PDE4D: variants seen among roughly 807,000 people sequenced by gnomAD.
The protein encoded by PDE4D is phosphodiesterase 4D.
A neutral mutation model predicts 87.4 loss-of-function variants in PDE4D; 24 were observed. That is an observed-to-expected ratio of 0.27 (90% confidence interval 0.20 to 0.39). The LOEUF is 0.39. Ranked by LOEUF, PDE4D falls within the 10% of genes least tolerant of loss-of-function variation. The probability of loss-of-function intolerance (pLI) is 1.00; values close to 1 mark genes in which losing one functional copy is unlikely to be tolerated. For missense variants in PDE4D, 714 were observed against 1,041.0 expected (o/e 0.69, Z 4.32); for synonymous variants, 384 against 383.2 (o/e 1.00, Z -0.02).
At chr5:59,333,733 G>A (rs1484593898) in intron 1 of PDE4D, among the ~76,000 whole-genome samples, 1 of 152,092 alleles carries the variant, frequency 6.6e-6, no homozygotes, top group Non-Finnish European at 1.5e-5. Flanking sequence ...TCTAATTAAA[G>A]ACTCCTTGGG....
At chr5:59,100,338 T>C (rs1770527374) in intron 5 of PDE4D, among the ~76,000 whole-genome samples, 1 of 152,248 alleles carries the variant, frequency 6.6e-6, no homozygotes, top group Admixed American at 6.5e-5. Flanking sequence ...ATTCATCTTT[T>C]TCTACATGCC....
intron 5 of PDE4D, among the ~76,000 whole-genome samples, chr5:59,149,491 C>G (rs376283808): frequency 6.6e-6 from 1 of 152,166 alleles, no homozygotes; most frequent in South Asian, 2.1e-4. Context: ...CACAAGGGAA[C>G]CTTAGAGTGG....
chr5:60,131,066 T>C (rs1042060429), intron 2 of PDE4D, among the ~76,000 whole-genome samples: 1 of 152,202 alleles, frequency 6.6e-6, no homozygotes, highest in African/African-American at 2.4e-5. Context: ...CTAGCATCAA[T>C]TTACACCCTC....
chr5:59,662,490 C>T lies in PDE4D; in HGVS notation c.455+230678G>A, dbSNP rs144137436. ...ATCCTTTTAGTTTCAGTTTCCCACA[C>T]GTATAATCTTATTACTCATAAAGTT... On this transcript the variant is annotated intron_variant, in intron 1 of 14. Coordinates refer to ENST00000340635, the MANE Select transcript of PDE4D (RefSeq NM_001104631.2). Among the ~76,000 whole-genome samples the T allele has an allele frequency of 2.6e-3, 399 of 152,172 alleles. 1 individual carries two copies. Among genetic ancestry groups the T allele is most frequent in the African/African-American group, 8.8e-3 (366 of 41,520 alleles).
chr5:60,379,807 T>C (rs1330141595), intron 1 of PDE4D, among the ~76,000 whole-genome samples: 4 of 152,174 alleles, frequency 2.6e-5, no homozygotes, highest in Non-Finnish European at 4.4e-5. Context: ...TGGACTGGGT[T>C]TCAGCCTCCC....
In PDE4D at chr5:59,620,468, G is replaced by A. The variant is rs559865794; in HGVS notation, c.455+272700C>T. On this transcript the variant is annotated intron_variant, in intron 1 of 14. Transcript: ENST00000340635. ...ACTATGCTTAGAGTGTGGGATATTT[G>A]AGTTTAAGATTTTGAGGTTGGTTGG... is the stretch of plus-strand genomic sequence containing the variant. Among the ~76,000 whole-genome samples the A allele has an allele frequency of 4.6e-4, 70 of 152,264 alleles. 1 individual carries two copies. The highest frequency in any genetic ancestry group is 1.5e-3 in the African/African-American group (62 of 41,552).
At chr5:59,861,026 A>AT (rs33992679) in intron 1 of PDE4D, among the ~76,000 whole-genome samples, 27,440 of 134,864 alleles carry the variant, frequency 0.2, 3,034 homozygotes, top group African/African-American at 0.29. Flanking sequence ...CACCTAGATA[A>AT]TTTTTTTTTT....
chr5:59,803,904 G>A (rs578069144), intron 1 of PDE4D, among the ~76,000 whole-genome samples: 3 of 152,248 alleles, frequency 2.0e-5, no homozygotes, highest in Admixed American at 2.0e-4. Context: ...TAATATTAAT[G>A]CAAACTTGCT....
At position 59,226,009 on chromosome 5, in the gene PDE4D, G is replaced by A. The variant is rs560667355; in HGVS notation, c.456-10041C>T. 7.2e-5 allele frequency among the ~76,000 whole-genome samples: 11 copies of A among 151,858 alleles called. No homozygotes were observed. In the South Asian group the frequency reaches 2.3e-3, roughly 32 times the overall value. On this transcript the variant is annotated intron_variant, in intron 1 of 14. Transcript: ENST00000340635. The stretch of plus-strand genomic sequence containing the variant: ...CATTATTAAAAAAAAAAACCTGTTG[G>A]CAAGGACATACAGAAATTGGAATCC...
intron 1 of PDE4D, among the ~76,000 whole-genome samples, chr5:60,299,665 TC>T (rs1753719592): frequency 6.6e-6 from 1 of 152,212 alleles, no homozygotes; most frequent in Non-Finnish European, 1.5e-5. Flanking sequence ...GGTTTTCCGT[TC>T]CTGCATTAGT....
At chr5:60,347,032 C>A (rs1158180261) in intron 1 of PDE4D, among the ~76,000 whole-genome samples, 1 of 152,078 alleles carries the variant, frequency 6.6e-6, no homozygotes, top group Non-Finnish European at 1.5e-5. Flanking sequence ...GAATTGTAAA[C>A]ATGTGAACAA....
At chr5:59,247,814 G>A (rs560412263) in intron 1 of PDE4D, among the ~76,000 whole-genome samples, 20 of 151,942 alleles carry the variant, frequency 1.3e-4, no homozygotes, top group Non-Finnish European at 2.4e-4. Context: ...CCATCCTGCT[G>A]CAGTTAACTT....
chr5:60,351,052 C>T (rs1759143911), intron 1 of PDE4D, among the ~76,000 whole-genome samples: 1 of 152,172 alleles, frequency 6.6e-6, no homozygotes, highest in Non-Finnish European at 1.5e-5. Flanking sequence ...CAGAGCTGAG[C>T]ATGTGCTCAG....
intron 2 of PDE4D, among the ~76,000 whole-genome samples, chr5:60,155,142 C>A (rs1027357512): frequency 6.6e-6 from 1 of 152,194 alleles, no homozygotes; most frequent in Non-Finnish European, 1.5e-5. Flanking sequence ...ATAGGTTATG[C>A]ATTTGTTCAG....
intron 1 of PDE4D, among the ~76,000 whole-genome samples, chr5:59,652,753 T>C (rs757203806): frequency 1.6e-4 from 25 of 152,116 alleles, no homozygotes; most frequent in African/African-American, 5.3e-4. Flanking sequence ...CTTTCACTAA[T>C]TGGAGCTCAG....
chr5:60,050,014 C>T (rs6875000), intron 2 of PDE4D, among the ~76,000 whole-genome samples: 4,594 of 152,270 alleles, frequency 0.03, 227 homozygotes, highest in African/African-American at 0.1. Flanking sequence ...TAGCAATCAG[C>T]GAGACTCTGT....
intron 1 of PDE4D, among the ~76,000 whole-genome samples, chr5:59,715,549 G>T (rs937481667): frequency 6.6e-5 from 10 of 151,732 alleles, no homozygotes; most frequent in Non-Finnish European, 1.5e-4. Context: ...AATATGAATG[G>T]TGATCACCAA....
chr5:60,156,359 T>C (rs1343917766), intron 2 of PDE4D, among the ~76,000 whole-genome samples: 1 of 152,230 alleles, frequency 6.6e-6, no homozygotes, highest in Admixed American at 6.5e-5. Context: ...TTTTTTTGAC[T>C]GGAATCCAAG....
chr5:60,047,922 T>C lies in PDE4D; in HGVS notation c.43-59205A>G, dbSNP rs149145760. Among the ~76,000 whole-genome samples the C allele has an allele frequency of 7.5e-3, 1,141 of 152,286 alleles. 12 individuals carry two copies. Among genetic ancestry groups the C allele is most frequent in the African/African-American group, 0.026 (1,086 of 41,552 alleles). ...TGAGTTCAATTCCAGGGTATCCTTG[T>C]TGACTTTGTGTCTCGTTGCTCTGTC... On this transcript the variant is annotated intron_variant, in intron 2 of 16. Coordinates refer to the PDE4D transcript ENST00000502484.
Sources: gnomAD v4.1 joint callset for allele counts (sites outside exome capture counted in the v4.1 genomes callset) on GRCh38, gnomAD v4.1.1 for gene constraint, MANE v1.5 for transcripts, NCBI Gene and HGNC (gene_info 2026-07-23, HGNC 2026-07-21) for gene names.